The following NREP variants were observed in gnomAD, a reference collection of about 807,000 sequenced individuals.
The protein encoded by NREP is neuronal regeneration-related protein.
NREP carries 5 observed loss-of-function variants against 8.6 expected under a neutral mutation model. The ratio of observed to expected loss-of-function variants is 0.58; its 90% CI spans 0.30 to 1.22. The LOEUF is 1.22. Among genes scored for constraint, NREP ranks in the 50% most tolerant of loss-of-function variants. The pLI is 0.07. For synonymous variants in NREP, 27 were observed against 28.0 expected (o/e 0.96, Z 0.11); for missense variants, 86 against 82.5 (o/e 1.04, Z -0.17).
chr5:111,921,992 G>A (rs1056101934), intron 2 of NREP, among the ~76,000 whole-genome samples: 5 of 152,146 alleles, frequency 3.3e-5, no homozygotes, highest in East Asian at 3.9e-4. Flanking sequence ...ATGTGGAACT[G>A]TAAGTCCAAT....
At chr5:111,804,222 A>AAT (rs1284079478) in intron 2 of NREP, among the ~76,000 whole-genome samples, 1 of 152,186 alleles carries the variant, frequency 6.6e-6, no homozygotes, top group Non-Finnish European at 1.5e-5. Flanking sequence ...TCAGAAAGAG[A>AAT]ATATATATAT....
At chr5:111,969,792 A>T (rs1399009336) in intron 2 of NREP, among the ~76,000 whole-genome samples, 1 of 152,186 alleles carries the variant, frequency 6.6e-6, no homozygotes, top group Admixed American at 6.5e-5. Context: ...ATAACTTGGT[A>T]TTTTAAACCT....
At chr5:111,802,855 C>T (rs1020640710) in intron 2 of NREP, among the ~76,000 whole-genome samples, 1 of 152,134 alleles carries the variant, frequency 6.6e-6, no homozygotes, top group Non-Finnish European at 1.5e-5. Context: ...GGACTATGAG[C>T]TCCTTAGATG....
intron 2 of NREP, among the ~76,000 whole-genome samples, chr5:111,883,427 T>C (rs1006502257): frequency 2.3e-4 from 35 of 152,136 alleles, no homozygotes; most frequent in South Asian, 6.2e-4. Flanking sequence ...GACAGAAAGT[T>C]AACAAGGATA....
At chr5:111,889,683 G>T (rs1754347331) in intron 2 of NREP, among the ~76,000 whole-genome samples, 1 of 152,134 alleles carries the variant, frequency 6.6e-6, no homozygotes, top group Admixed American at 6.5e-5. Context: ...TATAATGGGG[G>T]TACTGTCACA....
chr5:111,869,254 C>G (rs1210637348), intron 2 of NREP, among the ~76,000 whole-genome samples: 1 of 152,132 alleles, frequency 6.6e-6, no homozygotes, highest in Non-Finnish European at 1.5e-5. Context: ...CAAGCGAAGC[C>G]TAGAGGCTCA....
rs115636216 is a variant in NREP at position 111,791,133 on chromosome 5, G to A, written c.136-55626C>T. ...ATTATATATTTTTGGAGTGGAACAT[G>A]ATGTTTTGATATATGTATGCACTGT... On this transcript the variant is annotated intron_variant, in intron 2 of 3. Transcript: ENST00000395634. Among the ~76,000 whole-genome samples the A allele has an allele frequency of 1.0e-2, 1,522 of 152,246 alleles. 23 individuals carry two copies. The highest frequency in any genetic ancestry group is 0.034 in the African/African-American group (1,414 of 41,522).
chr5:111,860,563 C>G (rs1753522751), intron 2 of NREP, among the ~76,000 whole-genome samples: 1 of 152,090 alleles, frequency 6.6e-6, no homozygotes, highest in Admixed American at 6.6e-5. Flanking sequence ...AGTCCAGTCT[C>G]TCTCTCTCTC....
intron 2 of NREP, among the ~76,000 whole-genome samples, chr5:111,786,820 A>G (rs1751623812): frequency 6.6e-6 from 1 of 152,180 alleles, no homozygotes; most frequent in African/African-American, 2.4e-5. Context: ...GGAATTTTGT[A>G]TATCGAAGTG....
At chr5:111,773,398 T>G (rs1252931253) in intron 2 of NREP, among the ~76,000 whole-genome samples, 1 of 152,210 alleles carries the variant, frequency 6.6e-6, no homozygotes, top group East Asian at 1.9e-4. Flanking sequence ...AAGAAAATAG[T>G]GGTCACACAG....
At chr5:111,819,958 T>A (rs965155427) in intron 2 of NREP, among the ~76,000 whole-genome samples, 1 of 152,144 alleles carries the variant, frequency 6.6e-6, no homozygotes. Context: ...TTTCAGTAAT[T>A]TAAAAAAATT....
intron 2 of NREP, among the ~76,000 whole-genome samples, chr5:111,900,843 A>C (rs1268114404): frequency 6.6e-6 from 1 of 152,108 alleles, no homozygotes; most frequent in Admixed American, 6.6e-5. Flanking sequence ...TAAATAACTA[A>C]CATCAATTCT....
rs60026643 is a variant in NREP at position 111,919,869 on chromosome 5, GAGAAAGAAAGAA to G, written c.135+55393_135+55404del. On this transcript the variant is annotated intron_variant, in intron 2 of 3. Coordinates refer to the NREP transcript ENST00000395634. Reference sequence around the variant, plus strand: ...ACATGTATCCCAGAACTTGAAGAGAGAGAAAGAAAGAAAGAAAGAAAGAAAGAAAGAAAGAAA... The same window carrying G: ...ACATGTATCCCAGAACTTGAAGAGAGAGAAAGAAAGAAAGAAAGAAAGAAA... 9.1e-3 allele frequency among the ~76,000 whole-genome samples: 1,133 copies of G among 125,086 alleles called. 8 individuals are homozygous for G. The highest frequency in any genetic ancestry group is 0.013 in the African/African-American group (395 of 29,962). 82.1% of individuals were successfully genotyped at this position (125,086 alleles called of 152,430 possible).
chr5:111,882,657 A>G (rs948743160), intron 2 of NREP, among the ~76,000 whole-genome samples: 10 of 152,212 alleles, frequency 6.6e-5, no homozygotes, highest in Non-Finnish European at 1.0e-4. Context: ...CAAGCCAGAA[A>G]AGAGTGGGGG....
At chr5:111,802,323 A>G (rs959652828) in intron 2 of NREP, among the ~76,000 whole-genome samples, 2 of 116,694 alleles carry the variant, frequency 1.7e-5, no homozygotes, top group African/African-American at 8.1e-5. Flanking sequence ...TAGCAAGGAG[A>G]CTGTTTTAGG....
chr5:111,936,377 C>T (rs1298354422), intron 2 of NREP, among the ~76,000 whole-genome samples: 1 of 152,018 alleles, frequency 6.6e-6, no homozygotes, highest in Non-Finnish European at 1.5e-5. Flanking sequence ...TAAGACGTGC[C>T]TTGCTTCCCC....
At chr5:111,953,983 G>C (rs1370912592) in intron 2 of NREP, among the ~76,000 whole-genome samples, 4 of 152,150 alleles carry the variant, frequency 2.6e-5, no homozygotes, top group African/African-American at 9.7e-5. Context: ...GTTAGGGCCA[G>C]AGAGTAAGGT....
intron 2 of NREP, among the ~76,000 whole-genome samples, chr5:111,846,941 G>A (rs1753191088): frequency 6.6e-6 from 1 of 151,896 alleles, no homozygotes; most frequent in Non-Finnish European, 1.5e-5. Flanking sequence ...TCAATCTAAC[G>A]TTTCATTATG....
intron 2 of NREP, among the ~76,000 whole-genome samples, chr5:111,797,577 T>G (rs1751903168): frequency 6.6e-6 from 1 of 152,168 alleles, no homozygotes; most frequent in Non-Finnish European, 1.5e-5. Context: ...TCTCTTAGAG[T>G]GTCTGCAGCT....
Sources: gnomAD v4.1 joint callset for allele counts (sites outside exome capture counted in the v4.1 genomes callset) on GRCh38, gnomAD v4.1.1 for gene constraint, MANE v1.5 for transcripts, NCBI Gene and HGNC (gene_info 2026-07-23, HGNC 2026-07-21) for gene names.